LRRC4C: variants seen among roughly 807,000 people sequenced by gnomAD.
LRRC4C encodes the protein leucine-rich repeat-containing protein 4C.
In LRRC4C, 5 loss-of-function variants were observed where a neutral mutation model predicts 33.6. That is an observed-to-expected ratio of 0.15 (90% CI 0.08 to 0.31). The LOEUF is 0.31. Ranked by LOEUF, LRRC4C falls within the 10% of genes least tolerant of loss-of-function variation. The pLI, the probability that LRRC4C is intolerant of heterozygous loss-of-function variation, is 1.00. For synonymous variants in LRRC4C, 329 were observed against 302.0 expected, an observed-to-expected ratio of 1.09 and a Z score of -0.93; for missense variants, 560 against 796.7, an observed-to-expected ratio of 0.70 and a Z score of 3.58.
At chr11:40,364,790 A>G (rs1948132676) in intron 3 of LRRC4C, among the ~76,000 whole-genome samples, 1 of 152,174 alleles carries the variant, frequency 6.6e-6, no homozygotes, top group African/African-American at 2.4e-5. Context: ...TGCATCTTAT[A>G]AACAGCCAAA....
intron 1 of LRRC4C, among the ~76,000 whole-genome samples, chr11:41,002,016 AT>A (rs899192436): frequency 1.9e-4 from 29 of 152,100 alleles, no homozygotes; most frequent in African/African-American, 6.5e-4. Context: ...TTTCCTCTTT[AT>A]TTTAGTTTTT....
chr11:41,369,904 C>A (rs935428217), intron 1 of LRRC4C, among the ~76,000 whole-genome samples: 2 of 152,132 alleles, frequency 1.3e-5, no homozygotes, highest in Non-Finnish European at 2.9e-5. Context: ...AATTAAGAGG[C>A]CCTTGTAACA....
chr11:41,427,869 T>G (rs1955095424), intron 1 of LRRC4C, among the ~76,000 whole-genome samples: 1 of 152,074 alleles, frequency 6.6e-6, no homozygotes, highest in Admixed American at 6.6e-5. Flanking sequence ...CCTTGTGAAA[T>G]TCCTTCTCCT....
At chr11:41,224,620 G>C (rs1387715750) in intron 1 of LRRC4C, among the ~76,000 whole-genome samples, 1 of 152,108 alleles carries the variant, frequency 6.6e-6, no homozygotes, top group Non-Finnish European at 1.5e-5. Context: ...AATCACATTT[G>C]TTTAATTCAG....
At chr11:40,352,957 C>A (rs895217338) in intron 3 of LRRC4C, among the ~76,000 whole-genome samples, 12 of 152,120 alleles carry the variant, frequency 7.9e-5, no homozygotes, top group African/African-American at 2.9e-4. Flanking sequence ...TGCTTTGGAG[C>A]ACCTTTGTAT....
At chr11:40,522,962 T>C (rs1955881994) in intron 3 of LRRC4C, among the ~76,000 whole-genome samples, 1 of 152,220 alleles carries the variant, frequency 6.6e-6, no homozygotes, top group Non-Finnish European at 1.5e-5. Context: ...ATGGAACGTT[T>C]AGGTTAATTC....
chr11:40,908,918 G>A (rs564454643), intron 2 of LRRC4C, among the ~76,000 whole-genome samples: 11 of 152,184 alleles, frequency 7.2e-5, no homozygotes, highest in Admixed American at 3.3e-4. Context: ...TGGGTATTAC[G>A]GGTGCATTAC....
At chr11:40,690,341 G>A (rs1945167981) in intron 2 of LRRC4C, among the ~76,000 whole-genome samples, 2 of 152,172 alleles carry the variant, frequency 1.3e-5, no homozygotes, top group East Asian at 1.9e-4. Context: ...TTAACTAAGT[G>A]ACAGTGATAG....
chr11:41,016,315 G>A (rs1024599293), intron 1 of LRRC4C, among the ~76,000 whole-genome samples: 1 of 152,072 alleles, frequency 6.6e-6, no homozygotes, highest in Admixed American at 6.6e-5. Context: ...TGACAGGAGA[G>A]TGGCACTACC....
chr11:41,451,715 T>C (rs1956031109), intron 1 of LRRC4C, among the ~76,000 whole-genome samples: 1 of 152,004 alleles, frequency 6.6e-6, no homozygotes, highest in Non-Finnish European at 1.5e-5. Context: ...TCAGAAAAAT[T>C]TTAAACTATT....
At chr11:40,226,537 C>T (rs1012373260) in intron 5 of LRRC4C, among the ~76,000 whole-genome samples, 1 of 152,186 alleles carries the variant, frequency 6.6e-6, no homozygotes, top group Admixed American at 6.5e-5. Flanking sequence ...ATCTTTCATA[C>T]AACATTACTA....
intron 1 of LRRC4C, among the ~76,000 whole-genome samples, chr11:41,036,759 T>C (rs1314261679): frequency 6.6e-6 from 1 of 152,170 alleles, no homozygotes; most frequent in Non-Finnish European, 1.5e-5. Context: ...TCACAGTAGT[T>C]TGAAAAGAGA....
At chr11:41,458,446 C>T (rs963468204) in intron 1 of LRRC4C, among the ~76,000 whole-genome samples, 2 of 149,472 alleles carry the variant, frequency 1.3e-5, no homozygotes, top group African/African-American at 4.9e-5. Flanking sequence ...GGAACACAGA[C>T]GTTATCACAA....
intron 3 of LRRC4C, among the ~76,000 whole-genome samples, chr11:40,330,165 G>A (rs1225008833): frequency 1.3e-5 from 2 of 152,206 alleles, no homozygotes; most frequent in East Asian, 3.9e-4. Flanking sequence ...AATTACTTAC[G>A]TAGTAGAATT....
chr11:41,304,912 A>G (rs1294883801), intron 1 of LRRC4C, among the ~76,000 whole-genome samples: 1 of 29,678 alleles, frequency 3.4e-5, no homozygotes, highest in Non-Finnish European at 9.0e-5. Context: ...TCCGGGAGGG[A>G]GGTGGGGGGG....
chr11:40,568,248 C>G (rs1417609261), intron 3 of LRRC4C, among the ~76,000 whole-genome samples: 1 of 152,164 alleles, frequency 6.6e-6, no homozygotes, highest in Non-Finnish European at 1.5e-5. Flanking sequence ...TTGGAGAAAG[C>G]AAGGGAAGAA....
intron 2 of LRRC4C, among the ~76,000 whole-genome samples, chr11:40,721,844 G>A (rs749692673): frequency 6.6e-6 from 1 of 152,192 alleles, no homozygotes; most frequent in Non-Finnish European, 1.5e-5. Context: ...CGGAGGCTGA[G>A]GCAGGAGAAC....
Position 40,126,730 on chromosome 11 carries a change from G to T in LRRC4C, c.-42-10396C>A, listed in dbSNP as rs908733634. Among the ~76,000 whole-genome samples, 6 of 151,912 alleles carry T rather than the reference G, an allele frequency of 3.9e-5. No homozygotes were observed. In the East Asian group the frequency reaches 9.7e-4, roughly 25 times the overall value. ...AATCCCAGCACTTTGGGAGGTCAGG[G>T]TGGGCAAATCACCTGAGGTGGGGAG... On this transcript the variant is annotated intron_variant, in intron 6 of 6. Coordinates refer to ENST00000528697, the MANE Select transcript of LRRC4C (RefSeq NM_001258419.2).
intron 1 of LRRC4C, among the ~76,000 whole-genome samples, chr11:40,980,449 G>T (rs1431145961): frequency 6.6e-6 from 1 of 152,102 alleles, no homozygotes; most frequent in Non-Finnish European, 1.5e-5. Context: ...TATTAATTGG[G>T]CATGCTGGAG....
Sources: gnomAD v4.1 joint callset for allele counts (sites outside exome capture counted in the v4.1 genomes callset) on GRCh38, gnomAD v4.1.1 for gene constraint, MANE v1.5 for transcripts, NCBI Gene and HGNC (gene_info 2026-07-23, HGNC 2026-07-21) for gene names.